The following N4BP2L2 variants were observed in gnomAD, a reference collection of about 807,000 sequenced individuals.
N4BP2L2 encodes NEDD4 binding protein 2 like 2.
In N4BP2L2, 50 loss-of-function variants were observed where a neutral mutation model predicts 56.2. The ratio of observed to expected loss-of-function variants is 0.89; its 90% confidence interval spans 0.71 to 1.13. The LOEUF is 1.13. Ranked by LOEUF, N4BP2L2 falls within the 50% of genes most tolerant of loss-of-function variation. The pLI, the probability that N4BP2L2 is intolerant of heterozygous loss-of-function variation, is 0.00. For synonymous variants in N4BP2L2, 203 were observed against 223.6 expected, an observed-to-expected ratio of 0.91 and a Z score of 0.82; for missense variants, 689 against 693.8, an observed-to-expected ratio of 0.99 and a Z score of 0.08.
rs890985567 is a variant in N4BP2L2 at position 32,521,614 on chromosome 13, C to A, written c.1474-165G>T. The A allele has an allele frequency of 3.0e-5, 15 of 504,802 alleles. No individual in the cohort carries two copies. In the South Asian group the frequency reaches 5.4e-4, roughly 18 times the overall value. 31.3% of individuals were successfully genotyped at this position (504,802 alleles called of 1,614,324 possible). On this transcript the variant is annotated intron_variant, in intron 4 of 5. Coordinates refer to ENST00000267068, the Ensembl canonical transcript of N4BP2L2. The stretch of plus-strand genomic sequence containing the variant: ...TTTATAACAGTTAAGACTATTTAAC[C>A]GGATAAATTTTGATTACTATTCTCA...
At chr13:32,443,317 C>A (rs772160415) in exon 7 of N4BP2L2, 1 of 1,613,894 alleles carries the variant, frequency 6.2e-7, no homozygotes, top group African/African-American at 1.3e-5. Context: ...AGCCAACTTA[C>A]ATGCTCTATC....
chr13:32,444,696 CTAA>C (rs2076780709), intron 6 of N4BP2L2, among the ~76,000 whole-genome samples: 1 of 152,112 alleles, frequency 6.6e-6, no homozygotes, highest in Admixed American at 6.5e-5. Context: ...TTATAAAAAC[CTAA>C]TATTTTCCTT....
intron 6 of N4BP2L2, among the ~76,000 whole-genome samples, chr13:32,497,483 C>G (rs183684592): frequency 6.6e-6 from 1 of 152,198 alleles, no homozygotes; most frequent in Admixed American, 6.5e-5. Context: ...CAACAGAGTT[C>G]ACATCACCCT....
At chr13:32,480,893 C>T (rs144738778) in intron 6 of N4BP2L2, among the ~76,000 whole-genome samples, 1 of 151,858 alleles carries the variant, frequency 6.6e-6, no homozygotes, top group African/African-American at 2.4e-5. Flanking sequence ...CTGAGGAAGG[C>T]AGATCACTTG....
At position 32,440,851 on chromosome 13, in the gene N4BP2L2, C is replaced by CTTT. The variant is rs34532527; in HGVS notation, c.2104+1534_2104+1536dup. 7.1e-4 allele frequency among the ~76,000 whole-genome samples: 95 copies of CTTT among 134,640 alleles called. 1 individual carries two copies. The highest frequency in any genetic ancestry group is 2.5e-3 in the African/African-American group (90 of 35,464). The allele number at this position is 134,640 out of a possible 152,430, so 88.3% of individuals were successfully genotyped here. A position where few individuals can be genotyped will look rare whatever the true frequency, so the allele number is the denominator to read the frequency against. On this transcript the variant is annotated intron_variant, in intron 7 of 9. Coordinates refer to the N4BP2L2 transcript ENST00000357505. Reference sequence around the variant, plus strand: ...TTTTTTCATTTCCAAAAATAACAATCTTTTTTTTTTTTTTTTGACAGGGAG... The same window carrying CTTT: ...TTTTTTCATTTCCAAAAATAACAATCTTTTTTTTTTTTTTTTTTTGACAGGGAG...
exon 6 of N4BP2L2, chr13:32,515,445 T>C (rs1594007991): frequency 6.6e-6 from 1 of 152,290 alleles, no homozygotes; most frequent in East Asian, 1.9e-4. Flanking sequence ...ACCTTGTTTG[T>C]TTAATTCTGA....
chr13:32,536,617 A>C (rs2056617028), exon 2 of N4BP2L2: 1 of 1,613,498 alleles, frequency 6.2e-7, no homozygotes, highest in African/African-American at 1.3e-5. Context: ...TCCTCCCTTC[A>C]TTACGTTTCT....
rs556358366 is a variant in N4BP2L2 at position 32,442,793 on chromosome 13, T to G, written c.1699A>C (p.Asn567His). The G allele has an allele frequency of 3.1e-6, 5 of 1,613,814 alleles. No individual in the cohort carries two copies. In the African/African-American group the frequency reaches 5.3e-5, roughly 17 times the overall value. Residue 567 changes from asparagine (N) to histidine (H), a missense_variant, in exon 7 of 10, where the codon AAC becomes CAC. Coordinates refer to the N4BP2L2 transcript ENST00000357505. Reference sequence around the variant, plus strand: ...AAAGATGCAGAGCACCTTAGTCTGTTAAATGACAGGCAATGAGAATAACGC... The same window carrying G: ...AAAGATGCAGAGCACCTTAGTCTGTGAAATGACAGGCAATGAGAATAACGC...
chr13:32,457,736 T>C (rs773230008), intron 6 of N4BP2L2, among the ~76,000 whole-genome samples: 2 of 152,136 alleles, frequency 1.3e-5, no homozygotes, highest in East Asian at 1.9e-4. Context: ...AGAAGTCCTA[T>C]ACATGGAAGT....
intron 6 of N4BP2L2, among the ~76,000 whole-genome samples, chr13:32,458,056 T>C (rs2079287517): frequency 6.6e-6 from 1 of 151,978 alleles, no homozygotes; most frequent in Admixed American, 6.6e-5. Flanking sequence ...TTTGTTTTGT[T>C]TTTTGTTTTG....
chr13:32,449,684 A>C (rs1379768778), intron 6 of N4BP2L2, among the ~76,000 whole-genome samples: 3 of 152,220 alleles, frequency 2.0e-5, no homozygotes, highest in Non-Finnish European at 4.4e-5. Flanking sequence ...AATGCTTGAC[A>C]CATAGTGGGT....
chr13:32,444,986 C>A (rs904063158), intron 6 of N4BP2L2, among the ~76,000 whole-genome samples: 1 of 152,130 alleles, frequency 6.6e-6, no homozygotes, highest in South Asian at 2.1e-4. Context: ...TGGTGGCTCA[C>A]GCCTGTAATC....
chr13:32,436,785 C>CAAAAA (rs1174354861), intron 8 of N4BP2L2, among the ~76,000 whole-genome samples: 5 of 44,990 alleles, frequency 1.1e-4, no homozygotes, highest in Non-Finnish European at 1.6e-4. Flanking sequence ...GTGTGACTGT[C>CAAAAA]AAAAAAAAAA....
chr13:32,499,516 T>A (rs1477829969), intron 6 of N4BP2L2, among the ~76,000 whole-genome samples: 1 of 152,230 alleles, frequency 6.6e-6, no homozygotes, highest in African/African-American at 2.4e-5. Flanking sequence ...TTGTTTTCTA[T>A]ACAATGTTCT....
At chr13:32,454,418 G>C (rs537863860) in intron 6 of N4BP2L2, among the ~76,000 whole-genome samples, 2 of 152,014 alleles carry the variant, frequency 1.3e-5, no homozygotes, top group Admixed American at 6.6e-5. Flanking sequence ...ACAAACCTTG[G>C]GGGGGAGGGG....
exon 6 of N4BP2L2, chr13:32,512,196 G>C (rs1373737046): frequency 2.0e-5 from 3 of 151,964 alleles, no homozygotes; most frequent in Non-Finnish European, 4.4e-5. Flanking sequence ...GCAAAACTGA[G>C]AGGCAAACCC....
intron 3 of N4BP2L2, 37 bp downstream of exon 3, chr13:32,527,371 A>G: frequency 6.2e-7 from 1 of 1,601,170 alleles, no homozygotes; most frequent in East Asian, 2.2e-5. Context: ...ACTCCTAGCC[A>G]AATATTCTAT....
chr13:32,521,381 T>C, exon 5 of N4BP2L2: 2 of 1,608,790 alleles, frequency 1.2e-6, no homozygotes, highest in Admixed American at 1.7e-5. Flanking sequence ...ACTTTTCTAA[T>C]TCTTCAGGAT....
chr13:32,509,822 T>A (rs2091492309), downstream of N4BP2L2, among the ~76,000 whole-genome samples: 1 of 152,130 alleles, frequency 6.6e-6, no homozygotes, highest in Non-Finnish European at 1.5e-5. Context: ...ACTTTTCTAT[T>A]CTAAACAAAA....
Sources: allele counts gnomAD v4.1 joint callset (sites outside exome capture counted in the v4.1 genomes callset), GRCh38; gene constraint gnomAD v4.1.1; transcripts MANE v1.5; gene names NCBI Gene and HGNC (gene_info 2026-07-23, HGNC 2026-07-21).